ESRRG: variants seen among roughly 807,000 people sequenced by gnomAD.
ESRRG encodes estrogen related receptor gamma.
A neutral mutation model predicts 44.0 loss-of-function variants in ESRRG; 13 were observed. The ratio of observed to expected loss-of-function variants is 0.30; its 90% CI spans 0.19 to 0.47. The LOEUF (loss-of-function observed/expected upper bound fraction) is 0.47, where lower values mean the gene tolerates loss of function less well. ESRRG is among the 20% of genes least tolerant of loss of function. The probability of loss-of-function intolerance (pLI) is 1.00; values close to 1 mark genes in which losing one functional copy is unlikely to be tolerated. For synonymous variants in ESRRG, 215 were observed against 214.6 expected (o/e 1.00, Z -0.02); for missense variants, 395 against 580.6 (o/e 0.68, Z 3.29).
chr1:216,620,628 C>A (rs1466402291), intron 3 of ESRRG, among the ~76,000 whole-genome samples: 1 of 152,154 alleles, frequency 6.6e-6, no homozygotes, highest in Non-Finnish European at 1.5e-5. Flanking sequence ...CTAATTCATT[C>A]ACATTGCATT....
chr1:217,116,429 A>G (rs1490264669), intron 1 of ESRRG, among the ~76,000 whole-genome samples: 2 of 152,178 alleles, frequency 1.3e-5, no homozygotes, highest in Non-Finnish European at 2.9e-5. Flanking sequence ...GTTTGACCAA[A>G]AAGCTGAGTG....
At chr1:216,593,192 G>A (rs2057956318) in intron 3 of ESRRG, among the ~76,000 whole-genome samples, 1 of 152,168 alleles carries the variant, frequency 6.6e-6, no homozygotes, top group Admixed American at 6.6e-5. Flanking sequence ...TTAATGAATG[G>A]ATGACTGCAG....
At chr1:216,713,899 G>A (rs949127470) in intron 1 of ESRRG, among the ~76,000 whole-genome samples, 5 of 152,090 alleles carry the variant, frequency 3.3e-5, no homozygotes, top group African/African-American at 7.2e-5. Context: ...TCAGCATTTC[G>A]AAAAGCTCTC....
intron 1 of ESRRG, among the ~76,000 whole-genome samples, chr1:216,991,575 A>G (rs72741450): frequency 0.017 from 2,449 of 143,230 alleles, 32 homozygotes; most frequent in Non-Finnish European, 0.028. Flanking sequence ...GAACTGCAGA[A>G]TAGGATAGGC....
rs2095776377 is a variant in ESRRG, at chr1:216,847,676, A to G, written c.-14+91906T>C. Among the ~76,000 whole-genome samples the G allele has an allele frequency of 1.3e-5, 2 of 152,102 alleles. 1 individual carries two copies. The highest frequency in any genetic ancestry group is 4.1e-4 in the South Asian group (2 of 4,832). On this transcript the variant is annotated intron_variant, in intron 2 of 7. Transcript: ENST00000359162. ...GTCTCTCTCTAAACTGGGCATGTCC[A>G]GGTCTGTGATTCTACTATGATATGA...
intron 1 of ESRRG, among the ~76,000 whole-genome samples, chr1:216,989,179 G>T (rs541528980): frequency 7.9e-5 from 12 of 152,108 alleles, no homozygotes; most frequent in African/African-American, 2.9e-4. Context: ...GATTTGGGTG[G>T]CTCACATATG....
intron 2 of ESRRG, among the ~76,000 whole-genome samples, chr1:216,842,436 G>C (rs1251899711): frequency 6.6e-6 from 1 of 152,118 alleles, no homozygotes; most frequent in African/African-American, 2.4e-5. Flanking sequence ...ACTGAAAGCT[G>C]TCAGAAAGGG....
chr1:216,861,983 C>T (rs185205962), intron 2 of ESRRG, among the ~76,000 whole-genome samples: 10 of 152,202 alleles, frequency 6.6e-5, no homozygotes, highest in Admixed American at 2.0e-4. Context: ...CAAATTAAAA[C>T]TACAAGATAC....
At chr1:216,723,675 T>C (rs1204661070), upstream of ESRRG, among the ~76,000 whole-genome samples, 1 of 151,816 alleles carries the variant, frequency 6.6e-6, no homozygotes, top group African/African-American at 2.4e-5. Flanking sequence ...AAGGGAGCGA[T>C]TGAAACGCTC....
intron 2 of ESRRG, among the ~76,000 whole-genome samples, chr1:216,914,661 A>AC (rs756730791): frequency 6.6e-6 from 1 of 152,160 alleles, no homozygotes; most frequent in Non-Finnish European, 1.5e-5. Context: ...TGCACATGTT[A>AC]CCCCTTGATA....
At chr1:217,065,683 A>G (rs1172974623) in intron 1 of ESRRG, among the ~76,000 whole-genome samples, 3 of 152,232 alleles carry the variant, frequency 2.0e-5, no homozygotes, top group Non-Finnish European at 4.4e-5. Context: ...GTTCAGTCCC[A>G]TATGGTTTTT....
upstream of ESRRG, among the ~76,000 whole-genome samples, chr1:216,727,022 T>C (rs2087667662): frequency 6.6e-6 from 1 of 152,220 alleles, no homozygotes; most frequent in Non-Finnish European, 1.5e-5. Flanking sequence ...AGTCTTGCTG[T>C]TATTGCATAT....
intron 2 of ESRRG, among the ~76,000 whole-genome samples, chr1:216,846,913 G>A (rs1006509788): frequency 6.6e-6 from 1 of 151,560 alleles, no homozygotes; most frequent in Non-Finnish European, 1.5e-5. Context: ...AACTAATTCA[G>A]ATGCAGAAAG....
At chr1:216,555,121 A>T (rs2149431841) in intron 5 of ESRRG, among the ~76,000 whole-genome samples, 1 of 152,278 alleles carries the variant, frequency 6.6e-6, no homozygotes, top group East Asian at 1.9e-4. Flanking sequence ...TTATTCACTG[A>T]ACCTTGGTCT....
chr1:216,945,384 GC>G (rs1264435197), intron 1 of ESRRG, among the ~76,000 whole-genome samples: 3 of 152,070 alleles, frequency 2.0e-5, no homozygotes, highest in African/African-American at 7.2e-5. Context: ...AGGCAAATCT[GC>G]AAGCAGACCC....
At chr1:216,697,069 G>T (rs1005518709) in intron 1 of ESRRG, among the ~76,000 whole-genome samples, 13 of 151,802 alleles carry the variant, frequency 8.6e-5, no homozygotes, top group African/African-American at 3.1e-4. Context: ...GGGTTCAAGT[G>T]ATTCTCATGC....
At chr1:216,749,674 A>G (rs1304907465) in intron 2 of ESRRG, among the ~76,000 whole-genome samples, 1 of 152,122 alleles carries the variant, frequency 6.6e-6, no homozygotes, top group East Asian at 1.9e-4. Context: ...TTTTAATATT[A>G]TTTTAGCTTT....
intron 3 of ESRRG, among the ~76,000 whole-genome samples, chr1:216,608,795 T>C (rs146894583): frequency 4.9e-4 from 74 of 152,348 alleles, no homozygotes; most frequent in African/African-American, 1.7e-3. Flanking sequence ...TAAAATCTAA[T>C]GAAGCAATCA....
chr1:217,010,904 T>C (rs1488586377), intron 1 of ESRRG, among the ~76,000 whole-genome samples: 1 of 152,204 alleles, frequency 6.6e-6, no homozygotes, highest in Non-Finnish European at 1.5e-5. Context: ...ATTAGCCCCT[T>C]ACCTCCTTAC....
Sources: gnomAD v4.1 joint callset for allele counts (sites outside exome capture counted in the v4.1 genomes callset) on GRCh38, gnomAD v4.1.1 for gene constraint, MANE v1.5 for transcripts, NCBI Gene and HGNC (gene_info 2026-07-23, HGNC 2026-07-21) for gene names.